LARGE1: variants seen among roughly 807,000 people sequenced by gnomAD.
LARGE1 encodes the protein LARGE xylosyl- and glucuronyltransferase 1.
Under a neutral mutation model 87.6 loss-of-function variants are expected in LARGE1, and 43 were observed. That is an observed-to-expected ratio of 0.49 (90% CI 0.38 to 0.63). The LOEUF (loss-of-function observed/expected upper bound fraction) is 0.63. Ranked by LOEUF, LARGE1 falls within the 30% of genes least tolerant of loss-of-function variation. The pLI is 0.00. For synonymous variants in LARGE1, 434 were observed against 394.6 expected, an observed-to-expected ratio of 1.10 and a Z score of -1.18; for missense variants, 802 against 1,000.2, an observed-to-expected ratio of 0.80 and a Z score of 2.67.
chr22:33,270,707 A>G (rs1928196804), downstream of LARGE1, among the ~76,000 whole-genome samples: 1 of 152,170 alleles, frequency 6.6e-6, no homozygotes, highest in South Asian at 2.1e-4. Context: ...CATTTCTTTC[A>G]CTAACACAGA....
upstream of LARGE1, among the ~76,000 whole-genome samples, chr22:33,922,063 G>A (rs528557418): frequency 5.3e-5 from 8 of 152,150 alleles, no homozygotes; most frequent in South Asian, 1.7e-3. Context: ...CCTTCCCCCC[G>A]GGTCTCCACC....
intron 11 of LARGE1, among the ~76,000 whole-genome samples, chr22:33,240,758 A>T (rs1167319002): frequency 3.3e-5 from 5 of 152,144 alleles, no homozygotes; most frequent in Non-Finnish European, 7.4e-5. Context: ...TTATATATGG[A>T]TCCCGTGGTC....
chr22:33,273,631 G>A lies in LARGE1; in HGVS notation c.*796C>T, dbSNP rs144150303. 5.2e-4 allele frequency: 206 copies of A among 398,864 alleles called. 1 individual carries two copies. The East Asian group carries it at 5.9e-3, about 11-fold the overall frequency. 24.7% of individuals were successfully genotyped at this position (398,864 alleles called of 1,614,324 possible). On this transcript the variant is annotated 3_prime_UTR_variant, in exon 15 of 15. Transcript: ENST00000397394. ...GGAGTTCAAAGTCACGGGAGCCTCG[G>A]TGATCATCCTGAAGGAAGCTGCCCA...
chr22:33,228,227 A>C (rs539994963), intron 11 of LARGE1, among the ~76,000 whole-genome samples: 1 of 152,372 alleles, frequency 6.6e-6, no homozygotes, highest in African/African-American at 2.4e-5. Context: ...AGCTCAATGA[A>C]TGTTCTTTGT....
At chr22:33,085,102 C>G in the LARGE1 span, among the ~76,000 whole-genome samples, 1 of 152,188 alleles carries the variant, frequency 6.6e-6, no homozygotes, top group Admixed American at 6.5e-5. Flanking sequence ...ATGGCAAAAC[C>G]CCGTCTCTAC....
chr22:33,176,538 C>G (rs1160558763), intron 11 of LARGE1, among the ~76,000 whole-genome samples: 1 of 152,086 alleles, frequency 6.6e-6, no homozygotes, highest in African/African-American at 2.4e-5. Context: ...TTTATGCAGC[C>G]AACAAACTTA....
intron 1 of LARGE1, among the ~76,000 whole-genome samples, chr22:33,802,131 C>A (rs1464822725): frequency 6.6e-6 from 1 of 152,004 alleles, no homozygotes; most frequent in East Asian, 1.9e-4. Context: ...AGGTATCATG[C>A]CAAGTTTCTC....
chr22:33,522,596 G>C (rs2071664435), intron 6 of LARGE1, among the ~76,000 whole-genome samples: 1 of 152,102 alleles, frequency 6.6e-6, no homozygotes, highest in Non-Finnish European at 1.5e-5. Context: ...ACTTTGGGAG[G>C]CCAAGGTGGG....
At chr22:33,074,737 T>A in the LARGE1 span, among the ~76,000 whole-genome samples, 1 of 152,030 alleles carries the variant, frequency 6.6e-6, no homozygotes. Flanking sequence ...AGTTCCATAA[T>A]AAGCAGATCT....
chr22:33,315,215 G>A (rs1260980123), intron 11 of LARGE1, among the ~76,000 whole-genome samples: 1 of 152,144 alleles, frequency 6.6e-6, no homozygotes, highest in Non-Finnish European at 1.5e-5. Context: ...ACAAAACAAT[G>A]CCAAGGGCTC....
intron 6 of LARGE1, among the ~76,000 whole-genome samples, chr22:33,488,245 G>A (rs2069673439): frequency 6.6e-6 from 1 of 152,188 alleles, no homozygotes. Context: ...TTCATGCCAG[G>A]CACATCTCCT....
rs550321489 is a variant in LARGE1, at chr22:33,339,171, AAAG to A, written c.1132-1373_1132-1371del. ...TCAAAAAATAAAAAAAAAAAAAAAA[AAAG>A]AAGAAGAAGAAATGAGAGCTGAAGA... On this transcript the variant is annotated intron_variant, in intron 9 of 14. Coordinates refer to ENST00000397394, the MANE Select transcript of LARGE1 (RefSeq NM_133642.5). Among the ~76,000 whole-genome samples the A allele has an allele frequency of 3.2e-4, 49 of 151,564 alleles. No individual in the cohort carries two copies. The South Asian group carries it at 6.9e-3, about 21-fold the overall frequency.
intron 2 of LARGE1, among the ~76,000 whole-genome samples, chr22:33,713,231 T>C (rs1259218742): frequency 6.6e-6 from 1 of 152,054 alleles, no homozygotes; most frequent in East Asian, 1.9e-4. Flanking sequence ...GCTGTTCAGA[T>C]GATCATTAAA....
chr22:33,210,913 C>T (rs974235013), intron 11 of LARGE1, among the ~76,000 whole-genome samples: 14 of 152,228 alleles, frequency 9.2e-5, no homozygotes, highest in African/African-American at 3.1e-4. Flanking sequence ...TAACAAGGTA[C>T]AGGCAGACCT....
intron 2 of LARGE1, among the ~76,000 whole-genome samples, chr22:33,673,693 TTTTTTA>T (rs1008758068): frequency 1.3e-4 from 20 of 152,242 alleles, no homozygotes; most frequent in African/African-American, 3.9e-4. Context: ...CTCCCCATTC[TTTTTTA>T]TTTTTATTTT....
chr22:33,082,634 C>G, the LARGE1 span, among the ~76,000 whole-genome samples: 4 of 152,218 alleles, frequency 2.6e-5, no homozygotes, highest in Non-Finnish European at 5.9e-5. Context: ...ATGAAATGAG[C>G]AGAGAAATAC....
chr22:33,305,164 G>A (rs542201777), intron 11 of LARGE1, among the ~76,000 whole-genome samples: 8 of 152,060 alleles, frequency 5.3e-5, no homozygotes, highest in African/African-American at 1.9e-4. Flanking sequence ...TGGAGTCAGG[G>A]AGAAAAAAAT....
intron 6 of LARGE1, among the ~76,000 whole-genome samples, chr22:33,533,285 T>C (rs866066916): frequency 6.6e-6 from 1 of 152,180 alleles, no homozygotes; most frequent in South Asian, 2.1e-4. Flanking sequence ...CCTGACAATT[T>C]TATTAACGTC....
chr22:33,844,114 A>G (rs1040514255), intron 1 of LARGE1, among the ~76,000 whole-genome samples: 12 of 151,854 alleles, frequency 7.9e-5, no homozygotes, highest in African/African-American at 2.9e-4. Context: ...AAAACCTCCA[A>G]TTTACAGACA....
Sources: gnomAD v4.1 joint callset for allele counts (sites outside exome capture counted in the v4.1 genomes callset) on GRCh38, gnomAD v4.1.1 for gene constraint, MANE v1.5 for transcripts, NCBI Gene and HGNC (gene_info 2026-07-23, HGNC 2026-07-21) for gene names.